Variants in RAPGEF4 observed in about 807,000 individuals in gnomAD.
RAPGEF4 encodes RAP guanine-nucleotide-exchange factor (GEF) 4.
A neutral mutation model predicts 147.9 loss-of-function variants in RAPGEF4; 66 were observed. The ratio of observed to expected loss-of-function variants is 0.45; its 90% confidence interval spans 0.37 to 0.55. RAPGEF4 has a LOEUF of 0.55. Among genes scored for constraint, RAPGEF4 ranks in the 20% least tolerant of loss-of-function variants. RAPGEF4 has a pLI of 0.00. For synonymous variants in RAPGEF4, 419 were observed against 442.7 expected (o/e 0.95, Z 0.67); for missense variants, 1,071 against 1,257.3 (o/e 0.85, Z 2.24).
chr2:172,760,546 G>A (rs1696209337), intron 1 of RAPGEF4, among the ~76,000 whole-genome samples: 1 of 152,060 alleles, frequency 6.6e-6, no homozygotes, highest in Non-Finnish European at 1.5e-5. Flanking sequence ...GTGAAACCCT[G>A]TCTCTACTCA....
chr2:172,936,371 CA>C (rs1686566681), intron 6 of RAPGEF4, among the ~76,000 whole-genome samples: 1 of 151,840 alleles, frequency 6.6e-6, no homozygotes, highest in South Asian at 2.1e-4. Context: ...ATCCCCTGCC[CA>C]AAAAAACTTC....
chr2:172,949,500 C>T (rs1688004761), intron 6 of RAPGEF4, among the ~76,000 whole-genome samples: 2 of 152,148 alleles, frequency 1.3e-5, no homozygotes, highest in Admixed American at 1.3e-4. Flanking sequence ...CAATAATCTC[C>T]CTTTCAGTTG....
intron 29 of RAPGEF4, among the ~76,000 whole-genome samples, chr2:173,039,297 A>G (rs1402058121): frequency 2.2e-5 from 3 of 138,456 alleles, no homozygotes; most frequent in African/African-American, 8.3e-5. Context: ...CTCTACTAAA[A>G]ATACAAAAAA....
intron 5 of RAPGEF4, among the ~76,000 whole-genome samples, chr2:172,920,267 C>A (rs772828960): frequency 6.6e-6 from 1 of 152,038 alleles, no homozygotes; most frequent in African/African-American, 2.4e-5. Flanking sequence ...CACATATACA[C>A]GTCACTCCAA....
intron 29 of RAPGEF4, among the ~76,000 whole-genome samples, chr2:173,045,647 T>C (rs1185164642): frequency 6.6e-6 from 1 of 152,246 alleles, no homozygotes; most frequent in Non-Finnish European, 1.5e-5. Flanking sequence ...AAATGCATTA[T>C]GAGCTCCAAG....
At chr2:172,907,584 C>T (rs367734653) in intron 4 of RAPGEF4, among the ~76,000 whole-genome samples, 8 of 152,150 alleles carry the variant, frequency 5.3e-5, no homozygotes, top group Admixed American at 5.2e-4. Context: ...ACAGGTGGTA[C>T]ATTATAAAAT....
At chr2:172,772,214 G>A (rs2149490644) in intron 1 of RAPGEF4, among the ~76,000 whole-genome samples, 1 of 152,020 alleles carries the variant, frequency 6.6e-6, no homozygotes, top group African/African-American at 2.4e-5. Flanking sequence ...ACTCCAGCCT[G>A]GCAACAAAGT....
chr2:172,960,850 T>A (rs368126559), intron 7 of RAPGEF4, 37 bp downstream of exon 7: 107 of 1,529,624 alleles, frequency 7.0e-5, no homozygotes, highest in Non-Finnish European at 8.9e-5. Flanking sequence ...GCCATTGAGC[T>A]AGCTTCTTAA....
intron 29 of RAPGEF4, among the ~76,000 whole-genome samples, chr2:173,046,866 A>G (rs1248426943): frequency 1.3e-5 from 2 of 152,200 alleles, no homozygotes; most frequent in Non-Finnish European, 2.9e-5. Context: ...AAGCAGTAGT[A>G]TTCAGTGAGG....
chr2:172,745,124 C>G (rs1694652202), intron 1 of RAPGEF4, among the ~76,000 whole-genome samples: 1 of 152,004 alleles, frequency 6.6e-6, no homozygotes, highest in African/African-American at 2.4e-5. Context: ...AGAAACATTT[C>G]CTTTTTTCCT....
intron 1 of RAPGEF4, among the ~76,000 whole-genome samples, chr2:172,741,849 T>C (rs534739961): frequency 6.6e-6 from 1 of 152,246 alleles, no homozygotes; most frequent in African/African-American, 2.4e-5. Flanking sequence ...TTTTAAAAAT[T>C]TTTTGTAGAG....
intron 5 of RAPGEF4, among the ~76,000 whole-genome samples, chr2:172,918,534 G>A (rs992634914): frequency 3.8e-4 from 57 of 151,796 alleles, no homozygotes; most frequent in African/African-American, 1.1e-3. Flanking sequence ...AAACATCCAG[G>A]CCTTTTATGA....
chr2:172,907,981 G>A (rs990860538), intron 4 of RAPGEF4, among the ~76,000 whole-genome samples: 5 of 152,134 alleles, frequency 3.3e-5, no homozygotes, highest in African/African-American at 4.8e-5. Context: ...ACTGACCCAC[G>A]TTCACACAAG....
chr2:172,988,581 A>G (rs1692505408), intron 13 of RAPGEF4, 112 bp from the exon 14 acceptor site: 1 of 1,276,328 alleles, frequency 7.8e-7, no homozygotes, highest in Non-Finnish European at 1.1e-6. Context: ...ATCGCTAGGT[A>G]CAGCCCATTT....
At chr2:172,878,403 T>A (rs964627269) in intron 4 of RAPGEF4, among the ~76,000 whole-genome samples, 18 of 152,220 alleles carry the variant, frequency 1.2e-4, no homozygotes, top group Non-Finnish European at 2.2e-4. Flanking sequence ...GACAGTCTTA[T>A]TTCTAGGAGA....
chr2:172,784,877 G>A (rs935717710), intron 1 of RAPGEF4, among the ~76,000 whole-genome samples: 6 of 151,364 alleles, frequency 4.0e-5, no homozygotes, highest in Non-Finnish European at 7.4e-5. Context: ...CCAGGCTGGA[G>A]TGCAATGGTG....
chr2:172,834,865 T>G (rs1001112421), intron 4 of RAPGEF4, among the ~76,000 whole-genome samples: 2 of 152,246 alleles, frequency 1.3e-5, no homozygotes, highest in Non-Finnish European at 2.9e-5. Context: ...TTCTGTTCTC[T>G]TTCTTTGATT....
intron 1 of RAPGEF4, among the ~76,000 whole-genome samples, chr2:172,779,965 ATTT>A (rs1318645753): frequency 2.6e-5 from 4 of 152,170 alleles, no homozygotes; most frequent in Admixed American, 2.6e-4. Flanking sequence ...CCAGTTTTCA[ATTT>A]TTGGTCCAAC....
At chr2:172,770,819 C>T (rs1683488844) in intron 1 of RAPGEF4, among the ~76,000 whole-genome samples, 1 of 152,144 alleles carries the variant, frequency 6.6e-6, no homozygotes, top group Admixed American at 6.5e-5. Flanking sequence ...TATTGGTATA[C>T]CTAAGGGACT....
Sources: allele counts gnomAD v4.1 joint callset (sites outside exome capture counted in the v4.1 genomes callset), GRCh38; gene constraint gnomAD v4.1.1; transcripts MANE v1.5; gene names NCBI Gene and HGNC (gene_info 2026-07-23, HGNC 2026-07-21).